SLC22A24: variants seen among roughly 807,000 people sequenced by gnomAD.
SLC22A24 encodes the protein steroid transmembrane transporter SLC22A24.
A neutral mutation model predicts 49.8 loss-of-function variants in SLC22A24; 53 were observed. The observed-to-expected ratio is 1.06, with a 90% CI of 0.85 to 1.34. SLC22A24 has a LOEUF of 1.34. Ranked by LOEUF, SLC22A24 falls within the 40% of genes most tolerant of loss-of-function variation. The pLI is 0.00. For synonymous variants in SLC22A24, 302 were observed against 256.4 expected (o/e 1.18, Z -1.70); for missense variants, 786 against 675.9 (o/e 1.16, Z -1.81).
At chr11:63,098,782 A>G (rs2087071312) in intron 5 of SLC22A24, among the ~76,000 whole-genome samples, 2 of 152,190 alleles carry the variant, frequency 1.3e-5, no homozygotes, top group South Asian at 2.1e-4. Context: ...AGTAACAAAG[A>G]TCAGAGGAGA....
Position 63,099,371 on chromosome 11 carries a change from A to ATTTTTTTTTTTTTTTTTTTTTTTTTTT in SLC22A24, c.955-3292_955-3266dup, listed in dbSNP as rs56708217. ...CCACCACACCTGGCTAATTTTTAAG[A>ATTTTTTTTTTTTTTTTTTTTTTTTTTT]TTTTTTTTTTTTTTTTTTTTTTTTT... On this transcript the variant is annotated intron_variant, in intron 5 of 9. Coordinates refer to ENST00000612278, the MANE Select transcript of SLC22A24 (RefSeq NM_001136506.2). Among the ~76,000 whole-genome samples the ATTTTTTTTTTTTTTTTTTTTTTTTTTT allele has an allele frequency of 2.9e-4, 15 of 52,336 alleles. 2 individuals are homozygous for ATTTTTTTTTTTTTTTTTTTTTTTTTTT. Among genetic ancestry groups the ATTTTTTTTTTTTTTTTTTTTTTTTTTT allele is most frequent in the African/African-American group, 5.2e-4 (7 of 13,518 alleles). 34.3% of individuals were successfully genotyped at this position (52,336 alleles called of 152,430 possible).
At position 63,104,252 on chromosome 11, in the gene SLC22A24, C is replaced by A. The variant is rs2087107447; in HGVS notation, c.877G>T (p.Asp293Tyr). 6.4e-6 allele frequency: 10 copies of A among 1,550,668 alleles called. No homozygotes were observed. Among genetic ancestry groups the A allele is most frequent in the Non-Finnish European group, 8.7e-6 (10 of 1,146,844 alleles). The change falls in exon 5 of 10, where the codon GAT becomes TAT. Residue 293 changes from aspartate to tyrosine, a missense_variant. Asp to Tyr is a radical substitution (Grantham distance 160). Coordinates refer to ENST00000612278, the MANE Select transcript of SLC22A24 (RefSeq NM_001136506.2). ...ARWLIINNQL[D>Y]EGLKELRRVA... ...CTTCTAAGCTCCTTTAAGCCCTCAT[C>A]TAGCTGATTGTTGATAATCAGCCAC...
At chr11:63,126,434 G>GA (rs2087291423) in intron 2 of SLC22A24, among the ~76,000 whole-genome samples, 1 of 152,122 alleles carries the variant, frequency 6.6e-6, no homozygotes, top group Non-Finnish European at 1.5e-5. Flanking sequence ...CCCATTGCTT[G>GA]TTTTTGTCAG....
intron 2 of SLC22A24, among the ~76,000 whole-genome samples, chr11:63,129,797 GC>G (rs1565043228): frequency 6.6e-6 from 1 of 152,044 alleles, no homozygotes. Context: ...TTGGTGTGTA[GC>G]AATGCTTGTG....
chr11:63,084,667 G>T (rs1383568343), intron 6 of SLC22A24, among the ~76,000 whole-genome samples: 1 of 152,100 alleles, frequency 6.6e-6, no homozygotes, highest in Non-Finnish European at 1.5e-5. Flanking sequence ...ACCAATGCCC[G>T]ACCTTTGCTT....
At position 63,119,315 on chromosome 11, in the gene SLC22A24, C is replaced by T. The variant is rs1191303268; in HGVS notation, c.527G>A (p.Cys176Tyr). The T allele has an allele frequency of 6.5e-7, 1 of 1,546,792 alleles. No individual in the cohort carries two copies. The highest frequency in any genetic ancestry group is 1.2e-5 in the South Asian group (1 of 82,748). Residue 176 changes from cysteine to tyrosine, a missense_variant, in exon 3 of 10, where the codon TGC becomes TAC. By Grantham distance (194) the Cys-to-Tyr change is radical. Transcript: ENST00000612278. ...GGCCAGCTGGAGGAAACACAATTTG[C>T]ATATGATCTTCCGTCCAACCCTAAG... ...LSDRVGRKII[C>Y]KLCFLQLAIS...
At chr11:63,100,068 C>G (rs1207809798) in intron 5 of SLC22A24, among the ~76,000 whole-genome samples, 1 of 152,078 alleles carries the variant, frequency 6.6e-6, no homozygotes, top group African/African-American at 2.4e-5. Flanking sequence ...ACTGGAAATC[C>G]TAGCTAGAGC....
In SLC22A24 at chr11:63,134,696, C is replaced by T; in HGVS notation, c.475G>A (p.Gly159Arg). 6.4e-7 allele frequency: 1 copy of T among 1,554,150 alleles called. No homozygotes were observed. The highest frequency in any genetic ancestry group is 8.7e-7 in the Non-Finnish European group (1 of 1,147,600). Residue 159 changes from glycine (G) to arginine (R), a missense_variant, in exon 2 of 10, where the codon GGA (glycine) becomes AGA (arginine). Physicochemically the swap from Gly to Arg is moderately radical, Grantham distance 125 (BLOSUM62 -2). Coordinates refer to ENST00000612278, the MANE Select transcript of SLC22A24 (RefSeq NM_001136506.2). ...QSLFMAGSLL[G>R]GLIYGHLSDR... ...GAAAGATGGCCATATATTAGACCTC[C>T]CAGAAGTGACCCAGCCATAAATAGG...
At position 63,103,337 on chromosome 11, in the gene SLC22A24, A is replaced by G. The variant is rs186868854; in HGVS notation, c.954+838T>C. 2.5e-3 allele frequency among the ~76,000 whole-genome samples: 381 copies of G among 152,238 alleles called. 1 individual carries two copies. Among genetic ancestry groups the G allele is most frequent in the Non-Finnish European group, 2.8e-3 (192 of 68,002 alleles). ...TTCTGACCTATTAAGGCTAAAGTGG[A>G]TACTTCCTCTGTGTTTTCTCAAAAA... On this transcript the variant is annotated intron_variant, in intron 5 of 9. Coordinates refer to ENST00000612278, the MANE Select transcript of SLC22A24 (RefSeq NM_001136506.2).
At chr11:63,134,462 A>G (rs1292117608) in intron 2 of SLC22A24, among the ~76,000 whole-genome samples, 1 of 152,210 alleles carries the variant, frequency 6.6e-6, no homozygotes, top group Non-Finnish European at 1.5e-5. Context: ...TATTCAGTAC[A>G]ATGAACAGAC....
Position 63,135,727 on chromosome 11 carries a change from G to A in SLC22A24, c.403-959C>T, listed in dbSNP as rs572445078. The stretch of plus-strand genomic sequence containing the variant: ...ATGATGTTAGACAAAAAGCAAAACC[G>A]AGTGATTTTCTTATTTGAGTTCAAA... On this transcript the variant is annotated intron_variant, in intron 1 of 9. Transcript: ENST00000612278. Among the ~76,000 whole-genome samples the A allele has an allele frequency of 1.6e-4, 25 of 152,226 alleles. No individual in the cohort carries two copies. The South Asian group carries it at 4.1e-3, about 25-fold the overall frequency.
intron 2 of SLC22A24, among the ~76,000 whole-genome samples, chr11:63,131,031 G>A (rs2087331169): frequency 6.6e-6 from 1 of 151,898 alleles, no homozygotes; most frequent in South Asian, 2.1e-4. Context: ...TTATATAGTG[G>A]CCTTCTTTGT....
At chr11:63,133,191 G>A (rs1285632460) in intron 2 of SLC22A24, among the ~76,000 whole-genome samples, 1 of 152,170 alleles carries the variant, frequency 6.6e-6, no homozygotes, top group Non-Finnish European at 1.5e-5. Context: ...TTGGTCAGGA[G>A]TGTACTGTTT....
At chr11:63,106,224 T>G (rs1248970063) in intron 4 of SLC22A24, among the ~76,000 whole-genome samples, 1 of 152,020 alleles carries the variant, frequency 6.6e-6, no homozygotes, top group Admixed American at 6.6e-5. Flanking sequence ...AGAACGATGG[T>G]TTCCAGTTTC....
chr11:63,117,256 T>G (rs548246447), intron 4 of SLC22A24, among the ~76,000 whole-genome samples: 3 of 152,294 alleles, frequency 2.0e-5, no homozygotes, highest in African/African-American at 7.2e-5. Context: ...TTGTAGTGAT[T>G]GTTTGTTTGG....
chr11:63,114,109 C>T (rs913716716), intron 4 of SLC22A24, among the ~76,000 whole-genome samples: 20 of 152,056 alleles, frequency 1.3e-4, no homozygotes, highest in African/African-American at 4.8e-4. Context: ...AATGTTGGCC[C>T]TCCTTTCTGG....
intron 4 of SLC22A24, among the ~76,000 whole-genome samples, chr11:63,111,397 T>G (rs1164382618): frequency 6.6e-6 from 1 of 151,772 alleles, no homozygotes; most frequent in Non-Finnish European, 1.5e-5. Context: ...TCTTTTTCTA[T>G]TGATTGGAAT....
chr11:63,091,535 A>G (rs2087020512), intron 6 of SLC22A24, among the ~76,000 whole-genome samples: 1 of 152,242 alleles, frequency 6.6e-6, no homozygotes, highest in Non-Finnish European at 1.5e-5. Flanking sequence ...TGAATTCAGC[A>G]GCACATCAAA....
chr11:63,089,875 G>A (rs1289232456), intron 6 of SLC22A24, among the ~76,000 whole-genome samples: 2 of 151,776 alleles, frequency 1.3e-5, no homozygotes, highest in African/African-American at 4.8e-5. Flanking sequence ...AGGTCAGGAG[G>A]TCGAGACCAT....
Sources: allele counts gnomAD v4.1 joint callset (sites outside exome capture counted in the v4.1 genomes callset), GRCh38; gene constraint gnomAD v4.1.1; transcripts MANE v1.5; gene names NCBI Gene and HGNC (gene_info 2026-07-23, HGNC 2026-07-21).